Variants in LFNG observed in about 807,000 individuals in gnomAD.
LFNG encodes the protein LFNG O-fucosylpeptide 3-beta-N-acetylglucosaminyltransferase, also known as beta-1,3-N-acetylglucosaminyltransferase lunatic fringe.
LFNG carries 15 observed loss-of-function variants against 32.7 expected under a neutral mutation model. That is an observed-to-expected ratio of 0.46 (90% confidence interval 0.31 to 0.71). The LOEUF (loss-of-function observed/expected upper bound fraction) is 0.71, where lower values mean the gene tolerates loss of function less well. LFNG is among the 30% of genes least tolerant of loss of function. The probability of loss-of-function intolerance (pLI) is 0.06; values close to 1 mark genes in which losing one functional copy is unlikely to be tolerated. For synonymous variants in LFNG, 274 were observed against 246.8 expected, an observed-to-expected ratio of 1.11 and a Z score of -1.03; for missense variants, 520 against 545.7, an observed-to-expected ratio of 0.95 and a Z score of 0.47.
rs1779525023 is a variant in LFNG at position 2,512,772 on chromosome 7, C to T, written c.47+71C>T. The T allele has an allele frequency of 2.2e-6, 3 of 1,369,064 alleles. No homozygotes were observed. The African/African-American group carries it at 4.3e-5, about 20-fold the overall frequency. The allele number at this position is 1,369,064 out of a possible 1,614,324, so 84.8% of individuals were successfully genotyped here. A position where few individuals can be genotyped will look rare whatever the true frequency, so the allele number is the denominator to read the frequency against. ...GTCCCTCTTGCTCGTGAACCTGGAG[C>T]CCCCTATGTCTCCCCCAGTACCCCT... On this transcript the variant is annotated intron_variant, in intron 1 of 8. Coordinates refer to the LFNG transcript ENST00000402506.
chr7:2,527,036 C>T lies in LFNG; in HGVS notation c.1074-110C>T. 7.1e-7 allele frequency: 1 copy of T among 1,417,644 alleles called. No individual in the cohort carries two copies. The highest frequency in any genetic ancestry group is 1.2e-5 in the South Asian group (1 of 84,712). The allele number at this position is 1,417,644 out of a possible 1,614,324, so 87.8% of individuals were successfully genotyped here. On this transcript the variant is annotated intron_variant, in intron 7 of 7. Transcript: ENST00000222725. The surrounding 1 kb of genome is among the most constrained non-coding windows in gnomAD (Gnocchi z 4.4). Reference sequence around the variant, plus strand: ...GGCATGACTCTACATAGAGGTGTCCCCCGGAGTCCTGCTTGCTCGGGGTGG... The same window carrying T: ...GGCATGACTCTACATAGAGGTGTCCTCCGGAGTCCTGCTTGCTCGGGGTGG...
At chr7:2,519,546 A>T (rs1179499373), upstream of LFNG, among the ~76,000 whole-genome samples, 1 of 150,948 alleles carries the variant, frequency 6.6e-6, no homozygotes, top group Non-Finnish European at 1.5e-5. Flanking sequence ...GGCGGCCCGC[A>T]GGGGCTACCC....
intron 2 of LFNG, among the ~76,000 whole-genome samples, 197 bp downstream of exon 2, chr7:2,524,940 G>GC (rs1015792633): frequency 6.6e-6 from 1 of 152,200 alleles, no homozygotes; most frequent in Non-Finnish European, 1.5e-5. Flanking sequence ...AGCCCATTCA[G>GC]CCCCCCGGGT....
chr7:2,525,737 G>C lies in LFNG; in HGVS notation c.788G>C (p.Arg263Pro). Residue 263 changes from arginine to proline, a missense_variant, in exon 5 of 8, where the codon CGT (arginine) becomes CCT (proline). Arg to Pro is a moderately radical substitution (Grantham distance 103). Transcript: ENST00000222725. ...ATGGAGFCIS[R>P]GLALKMSPWA... is the part of the protein sequence containing the mutation. ...GGCGGCGCTGGCTTCTGCATCAGCC[G>C]TGGGCTGGCTCTGAAGATGAGCCCG... The C allele has an allele frequency of 6.2e-7, 1 of 1,612,640 alleles. No individual in the cohort carries two copies. The highest frequency in any genetic ancestry group is 8.5e-7 in the Non-Finnish European group (1 of 1,180,014).
chr7:2,521,481 A>G (rs1346637777), intron 1 of LFNG, among the ~76,000 whole-genome samples: 2 of 152,190 alleles, frequency 1.3e-5, no homozygotes, highest in Non-Finnish European at 2.9e-5. Context: ...GTGTGCAGCT[A>G]CGCGCTCCGT....
At chr7:2,525,012 C>T (rs931180217) in intron 2 of LFNG, among the ~76,000 whole-genome samples, 8 of 152,178 alleles carry the variant, frequency 5.3e-5, no homozygotes, top group Non-Finnish European at 1.0e-4. Context: ...CCTGAATGGG[C>T]GGGGGCGGGG....
intron 3 of LFNG, 37 bp from the exon 4 acceptor site, chr7:2,525,377 G>C: frequency 2.5e-6 from 4 of 1,612,480 alleles, no homozygotes; most frequent in Non-Finnish European, 3.4e-6. Context: ...CGCCCGCCCC[G>C]GCATGCCCTC....
In LFNG at chr7:2,526,404, G is replaced by C. The variant is rs777235535; in HGVS notation, c.982G>C (p.Glu328Gln). The change falls in exon 6 of 8, where the codon GAG becomes CAG. Residue 328 changes from glutamate (E) to glutamine (Q), a missense_variant. This residue lies in a region of LFNG where 150 missense variants were observed against 159.9 expected (regional missense o/e 0.94). Coordinates refer to ENST00000222725, the MANE Select transcript of LFNG (RefSeq NM_001040167.2). The surrounding 1 kb of genome is among the most constrained non-coding windows in gnomAD (Gnocchi z 6.9). The stretch of plus-strand genomic sequence containing the variant: ...GCAGGTGCCCACCTCGGAGCTCCAC[G>C]AGCAGGTGCACCATCCTCCGGGCCC... ...LQQVPTSELHEQVTLSYGMFE... is the reference protein window; with the variant it reads ...LQQVPTSELHQQVTLSYGMFE... 6.2e-7 allele frequency: 1 copy of C among 1,607,450 alleles called. No homozygotes were observed. Among genetic ancestry groups the C allele is most frequent in the Admixed American group, 1.7e-5 (1 of 60,014 alleles).
At chr7:2,523,437 G>A (rs1412656734) in intron 1 of LFNG, among the ~76,000 whole-genome samples, 2 of 152,232 alleles carry the variant, frequency 1.3e-5, no homozygotes, top group Non-Finnish European at 2.9e-5. Flanking sequence ...GGGCCTCTGC[G>A]GGACCTGTGT....
At chr7:2,519,731 C>T (rs1453174189), upstream of LFNG, 3 of 426,890 alleles carry the variant, frequency 7.0e-6, no homozygotes, top group Non-Finnish European at 6.3e-6. Flanking sequence ...GGGGCGGGAC[C>T]GGGGCGGGGA....
upstream of LFNG, chr7:2,518,021 C>A: frequency 1.4e-6 from 1 of 708,530 alleles, no homozygotes; most frequent in Non-Finnish European, 1.9e-6. Flanking sequence ...ATGGATGAGG[C>A]TCCGTCTCTG....
intron 1 of LFNG, among the ~76,000 whole-genome samples, chr7:2,522,267 CCCAGAAAGGGCACTCCAT>C (rs1400899134): frequency 1.3e-5 from 2 of 152,188 alleles, no homozygotes; most frequent in African/African-American, 2.4e-5. Flanking sequence ...TAAAAAAGTG[CCCAGAAAGGGCACTCCAT>C]CCGGGCATGG....
Position 2,528,082 on chromosome 7 carries a change from G to C in LFNG, c.*870G>C. Reference sequence around the variant, plus strand: ...GTTTTTTGCTTGGGAGGGTGGGGGTGGGGGAGGGTCTTATTTTATCTTATC... The same window carrying C: ...GTTTTTTGCTTGGGAGGGTGGGGGTCGGGGAGGGTCTTATTTTATCTTATC... On this transcript the variant is annotated 3_prime_UTR_variant, in exon 8 of 8. Transcript: ENST00000222725. 6.5e-6 allele frequency: 1 copy of C among 153,404 alleles called. No individual in the cohort carries two copies. Among genetic ancestry groups the C allele is most frequent in the Non-Finnish European group, 1.3e-5 (1 of 78,788 alleles). 9.5% of individuals were successfully genotyped at this position (153,404 alleles called of 1,614,324 possible).
chr7:2,513,076 C>T (rs1739830408), upstream of LFNG: 1 of 1,411,864 alleles, frequency 7.1e-7, no homozygotes, highest in East Asian at 2.3e-5. Flanking sequence ...GTGGGTTCTC[C>T]CTCGTCTGGG....
chr7:2,527,743 G>A lies in LFNG; in HGVS notation c.*531G>A. The stretch of plus-strand genomic sequence containing the variant: ...GACCCAATCCCCTTCCTCCTGGCCT[G>A]GACGCTGTGGCTTAAGAGTAACAGC... On this transcript the variant is annotated 3_prime_UTR_variant, in exon 8 of 8. Transcript: ENST00000222725. This position sits in a 1 kb window ranked among gnomAD's most constrained non-coding sequence, Gnocchi z 4.4. The A allele has an allele frequency of 9.7e-7, 1 of 1,029,554 alleles. No homozygotes were observed. Among genetic ancestry groups the A allele is most frequent in the African/African-American group, 1.7e-5 (1 of 58,982 alleles). The allele number at this position is 1,029,554 out of a possible 1,614,324, so 63.8% of individuals were successfully genotyped here. A position where few individuals can be genotyped will look rare whatever the true frequency, so the allele number is the denominator to read the frequency against.
At chr7:2,513,256 G>GATGC (rs769848753), upstream of LFNG, 1 of 1,613,074 alleles carries the variant, frequency 6.2e-7, no homozygotes, top group Non-Finnish European at 8.5e-7. Context: ...CAGATGGATG[G>GATGC]ATGGATGGAT....
intron 5 of LFNG, 115 bp downstream of exon 5, chr7:2,525,885 C>T (rs1779954513): frequency 1.1e-6 from 1 of 892,578 alleles, no homozygotes; most frequent in South Asian, 1.4e-5. Flanking sequence ...TGTGGCACTG[C>T]CCACTTACTT....
chr7:2,529,169 T>G, downstream of LFNG: 2 of 285,630 alleles, frequency 7.0e-6, no homozygotes, highest in African/African-American at 2.2e-5. The surrounding 1 kb of genome is among the most constrained non-coding windows in gnomAD (Gnocchi z 4.2). Context: ...GTGCTTTTCC[T>G]TCCTCAAATC....
chr7:2,523,313 T>G (rs1035850733), intron 1 of LFNG, among the ~76,000 whole-genome samples: 10 of 152,032 alleles, frequency 6.6e-5, no homozygotes, highest in Non-Finnish European at 1.5e-4. Flanking sequence ...GGTGCATGCA[T>G]GGAGAGGCGG....
Sources: allele counts gnomAD v4.1 joint callset (sites outside exome capture counted in the v4.1 genomes callset), GRCh38; gene constraint gnomAD v4.1.1; regional missense constraint gnomAD v4.1.1; non-coding constraint Gnocchi (gnomAD v3.1); transcripts MANE v1.5; gene names NCBI Gene and HGNC (gene_info 2026-07-23, HGNC 2026-07-21).